PITPNM1: variants seen among roughly 807,000 people sequenced by gnomAD.
PITPNM1 encodes the protein phosphatidylinositol transfer protein membrane associated 1.
PITPNM1 carries 74 observed loss-of-function variants against 133.3 expected under a neutral mutation model. That is an observed-to-expected ratio of 0.56 (90% CI 0.46 to 0.67). PITPNM1 has a LOEUF of 0.67. Ranked by LOEUF, PITPNM1 falls within the 30% of genes least tolerant of loss-of-function variation. PITPNM1 has a pLI of 0.00. For synonymous variants in PITPNM1, 738 were observed against 741.4 expected, an observed-to-expected ratio of 1.00 and a Z score of 0.08; for missense variants, 1,398 against 1,739.5, an observed-to-expected ratio of 0.80 and a Z score of 3.49.
Position 67,494,975 on chromosome 11 carries a change from G to A in PITPNM1, c.2632-19C>T, listed in dbSNP as rs561647590. On this transcript the variant is annotated intron_variant, in intron 17 of 23. Coordinates refer to ENST00000356404, the MANE Select transcript of PITPNM1 (RefSeq NM_004910.3). ...CGATCACCTGCACGGGACAGGGGGC[G>A]AGGCCTCTGTCTCTTAGGGGAGGGA... is the stretch of plus-strand genomic sequence containing the variant. The A allele has an allele frequency of 3.7e-5, 60 of 1,607,858 alleles. No homozygotes were observed. The South Asian group carries it at 5.1e-4, about 14-fold the overall frequency.
chr11:67,493,891 C>T, intron 20 of PITPNM1, 31 bp downstream of exon 20: 1 of 1,529,148 alleles, frequency 6.5e-7, no homozygotes, highest in Admixed American at 2.1e-5. Flanking sequence ...TGGCGGAGCC[C>T]TCCCGCAGAG....
Position 67,502,274 on chromosome 11 carries a change from C to G in PITPNM1, c.415+18G>C. The G allele has an allele frequency of 6.2e-7, 1 of 1,610,628 alleles. No individual in the cohort carries two copies. Among genetic ancestry groups the G allele is most frequent in the African/African-American group, 1.3e-5 (1 of 75,030 alleles). ...CCTGAGAGGGGCGCCAGGGTCCCCC[C>G]ATAGCTCCAGGCCTCACCCAGGATG... On this transcript the variant is annotated intron_variant, in intron 4 of 23. Coordinates refer to ENST00000356404, the MANE Select transcript of PITPNM1 (RefSeq NM_004910.3). This position sits in a 1 kb window ranked among gnomAD's most constrained non-coding sequence, Gnocchi z 5.9.
Position 67,502,091 on chromosome 11 carries a change from G to T in PITPNM1, c.416-5C>A. On this transcript the variant is annotated splice_polypyrimidine_tract_variant and splice_region_variant and intron_variant, in intron 4 of 23. Coordinates refer to ENST00000356404, the MANE Select transcript of PITPNM1 (RefSeq NM_004910.3). The surrounding 1 kb of genome is among the most constrained non-coding windows in gnomAD (Gnocchi z 5.9). The stretch of plus-strand genomic sequence containing the variant: ...CCCGCACGATGTCGATGGTGTCTGA[G>T]GGAGTTCGGCAAGCATTGAGCAGCG... 1 of 1,609,616 alleles carries T rather than the reference G, an allele frequency of 6.2e-7. No individual in the cohort carries two copies. The highest frequency in any genetic ancestry group is 1.1e-5 in the South Asian group (1 of 90,958).
rs771734971 is a variant in PITPNM1, at chr11:67,502,136, G to A, written c.416-50C>T. The stretch of plus-strand genomic sequence containing the variant: ...GCAGCGCCAGCCCCTTTGAGCCCCC[G>A]CTCCTGGCACCCTCTTGGGACTGGA... On this transcript the variant is annotated intron_variant, in intron 4 of 23. Coordinates refer to ENST00000356404, the MANE Select transcript of PITPNM1 (RefSeq NM_004910.3). This position sits in a 1 kb window ranked among gnomAD's most constrained non-coding sequence, Gnocchi z 5.9. 17 of 1,574,344 alleles carry A rather than the reference G, an allele frequency of 1.1e-5. No individual in the cohort carries two copies. Among genetic ancestry groups the A allele is most frequent in the East Asian group, 2.3e-5 (1 of 44,434 alleles).
rs1358462655 is a variant in PITPNM1 at position 67,500,136 on chromosome 11, C to G, written c.926G>C (p.Trp309Ser). 1.3e-6 allele frequency: 2 copies of G among 1,592,474 alleles called. No homozygotes were observed. Among genetic ancestry groups the G allele is most frequent in the African/African-American group, 2.7e-5 (2 of 74,576 alleles). The change falls in exon 6 of 24, where the codon TGG becomes TCG. Residue 309 changes from tryptophan to serine, a missense_variant. This residue lies in a region of PITPNM1 where 195 missense variants were observed against 178.8 expected (regional missense o/e 1.09). Transcript: ENST00000356404. ...GTAGGAGGAACGGGAGGATGAGGAC[C>G]ACTGCTTCCCAAAGCTGGCATCGGG... ...ASPDASFGKQWSSSSRSSYSS... is the reference protein window; with the variant it reads ...ASPDASFGKQSSSSSRSSYSS...
Position 67,505,148 on chromosome 11 carries a change from C to G in PITPNM1, c.-42+40G>C, listed in dbSNP as rs1866459006. ...CTCTGCTCGCCGGCGTCCCGGTCCC[C>G]TGCCGCGCTCTTGGCCCGCCTGCCG... On this transcript the variant is annotated intron_variant, in intron 1 of 23. Transcript: ENST00000356404. This position sits in a 1 kb window ranked among gnomAD's most constrained non-coding sequence, Gnocchi z 5.8. 6.5e-6 allele frequency: 1 copy of G among 152,700 alleles called. No homozygotes were observed. 9.5% of individuals were successfully genotyped at this position (152,700 alleles called of 1,614,324 possible). A position where few individuals can be genotyped will look rare whatever the true frequency, so the allele number is the denominator to read the frequency against.
At chr11:67,497,853 G>A (rs920630730) in intron 12 of PITPNM1, 64 bp downstream of exon 12, 62 of 1,517,680 alleles carry the variant, frequency 4.1e-5, no homozygotes, top group Middle Eastern at 1.7e-4. Flanking sequence ...ATTCCAGGGG[G>A]CAGAGACCTA....
Position 67,494,228 on chromosome 11 carries a change from G to A in PITPNM1, c.2859+16C>T. On this transcript the variant is annotated intron_variant, in intron 19 of 23. Transcript: ENST00000356404. Reference sequence around the variant, plus strand: ...TGGGGCCATGGGACCAGGCGACAGGGCCTCTGGGTCCTGACCTTCTCTCCA... The same window carrying A: ...TGGGGCCATGGGACCAGGCGACAGGACCTCTGGGTCCTGACCTTCTCTCCA... 6.2e-7 allele frequency: 1 copy of A among 1,604,160 alleles called. No individual in the cohort carries two copies. Among genetic ancestry groups the A allele is most frequent in the Non-Finnish European group, 8.5e-7 (1 of 1,172,068 alleles).
At chr11:67,492,822 A>G (rs1865975237) in intron 23 of PITPNM1, 112 bp downstream of exon 23, 2 of 1,338,062 alleles carry the variant, frequency 1.5e-6, no homozygotes, top group African/African-American at 2.9e-5. Flanking sequence ...GGTTCCCTGG[A>G]GGCCGGTTAG....
chr11:67,493,190 T>C, intron 22 of PITPNM1, 128 bp from the exon 23 acceptor site: 2 of 1,239,092 alleles, frequency 1.6e-6, no homozygotes, highest in South Asian at 1.4e-5. Context: ...CAGGTCCCAG[T>C]CCCACGGGGA....
intron 5 of PITPNM1, among the ~76,000 whole-genome samples, chr11:67,501,269 A>C (rs1252379305): frequency 6.6e-6 from 1 of 152,220 alleles, no homozygotes; most frequent in Admixed American, 6.5e-5. Context: ...GCCTTGCTGG[A>C]GGTACCATGG....
intron 22 of PITPNM1, 150 bp downstream of exon 22, chr11:67,493,260 T>C: frequency 2.8e-6 from 3 of 1,068,004 alleles, no homozygotes; most frequent in Non-Finnish European, 4.0e-6. Flanking sequence ...CCCCTCAAAC[T>C]AGGGGAGCAG....
chr11:67,492,368 A>G, intron 23 of PITPNM1, 72 bp from the exon 24 acceptor site: 2 of 1,427,516 alleles, frequency 1.4e-6, no homozygotes, highest in Non-Finnish European at 1.9e-6. Flanking sequence ...ACGGTCCTCC[A>G]GAGGCACCTG....
Position 67,502,136 on chromosome 11 carries a change from G to T in PITPNM1, c.416-50C>A. The T allele has an allele frequency of 6.4e-7, 1 of 1,574,464 alleles. No homozygotes were observed. ...GCAGCGCCAGCCCCTTTGAGCCCCCGCTCCTGGCACCCTCTTGGGACTGGA... is the reference window on the plus strand; with the variant it reads ...GCAGCGCCAGCCCCTTTGAGCCCCCTCTCCTGGCACCCTCTTGGGACTGGA... On this transcript the variant is annotated intron_variant, in intron 4 of 23. Transcript: ENST00000356404. This position sits in a 1 kb window ranked among gnomAD's most constrained non-coding sequence, Gnocchi z 5.9.
At chr11:67,495,002 G>A in intron 17 of PITPNM1, 46 bp from the exon 18 acceptor site, 1 of 1,601,728 alleles carries the variant, frequency 6.2e-7, no homozygotes, top group Non-Finnish European at 8.5e-7. Flanking sequence ...GGGGAGGGAG[G>A]GCTGCCCCTC....
chr11:67,497,481 A>ATT, intron 13 of PITPNM1, 41 bp downstream of exon 13: 1 of 1,596,670 alleles, frequency 6.3e-7, no homozygotes, highest in East Asian at 2.2e-5. Context: ...TCTGTAGTCC[A>ATT]TCATGTGCCC....
upstream of PITPNM1, among the ~76,000 whole-genome samples, chr11:67,505,671 C>T (rs1173610931): frequency 6.6e-6 from 1 of 152,194 alleles, no homozygotes; most frequent in African/African-American, 2.4e-5. This position sits in a 1 kb window ranked among gnomAD's most constrained non-coding sequence, Gnocchi z 5.8. Flanking sequence ...GCCCACTCTC[C>T]TCTTCTCACT....
At position 67,497,346 on chromosome 11, in the gene PITPNM1, A is replaced by T; in HGVS notation, c.2031T>A (p.Pro677=). The T allele has an allele frequency of 6.2e-7, 1 of 1,608,676 alleles. No homozygotes were observed. The highest frequency in any genetic ancestry group is 8.5e-7 in the Non-Finnish European group (1 of 1,176,990). Residue 677 remains proline, a synonymous_variant, in exon 14 of 24, where the codon CCT becomes CCA. Coordinates refer to ENST00000356404, the MANE Select transcript of PITPNM1 (RefSeq NM_004910.3). ...GGCGGGCAGTGCTGCTGGGGCCGTC[A>T]GGTGCCTCGGAACTGGCAGCGGGTG... is the stretch of plus-strand genomic sequence containing the variant. The part of the protein sequence containing the change: ...FCPPAASSEA[P]DGPSSTARLD...
Position 67,491,838 on chromosome 11 carries a change from C to T in PITPNM1, c.*195G>A, listed in dbSNP as rs1011659331. 3.2e-6 allele frequency: 2 copies of T among 628,570 alleles called. No homozygotes were observed. The highest frequency in any genetic ancestry group is 1.8e-5 in the African/African-American group (1 of 54,142). 38.9% of individuals were successfully genotyped at this position (628,570 alleles called of 1,614,324 possible). ...AAAGCCTCTGCGCCCATGCCCACGC[C>T]CTCCTCCCTCCCCCCGGCGCTGGGT... On this transcript the variant is annotated 3_prime_UTR_variant, in exon 24 of 24. Transcript: ENST00000356404.
Sources: gnomAD v4.1 joint callset for allele counts (sites outside exome capture counted in the v4.1 genomes callset) on GRCh38, gnomAD v4.1.1 for gene constraint, gnomAD v4.1.1 regional missense constraint, Gnocchi (gnomAD v3.1) non-coding constraint, MANE v1.5 for transcripts, NCBI Gene and HGNC (gene_info 2026-07-23, HGNC 2026-07-21) for gene names.